Variants in PPP2R2D observed in about 807,000 individuals in gnomAD.
PPP2R2D encodes the protein protein phosphatase 2 regulatory subunit Bdelta.
PPP2R2D carries 9 observed loss-of-function variants against 31.1 expected under a neutral mutation model. The observed-to-expected ratio is 0.29, with a 90% CI of 0.17 to 0.51. The LOEUF is 0.51. Among genes scored for constraint, PPP2R2D ranks in the 20% least tolerant of loss-of-function variants. PPP2R2D has a pLI of 0.98. For missense variants in PPP2R2D, 391 were observed against 465.6 expected, an observed-to-expected ratio of 0.84 and a Z score of 1.48; for synonymous variants, 179 against 172.6, an observed-to-expected ratio of 1.04 and a Z score of -0.29.
intron 2 of PPP2R2D, among the ~76,000 whole-genome samples, chr10:131,903,014 G>A (rs1254221004): frequency 6.6e-6 from 1 of 151,826 alleles, no homozygotes; most frequent in Non-Finnish European, 1.5e-5. Context: ...AGTCTCCCAA[G>A]GTGCTGAGAT....
At chr10:131,932,269 T>C (rs879971010) in intron 2 of PPP2R2D, among the ~76,000 whole-genome samples, 1 of 152,032 alleles carries the variant, frequency 6.6e-6, no homozygotes, top group Non-Finnish European at 1.5e-5. Context: ...AGAGACCCGA[T>C]GTCTCCATGG....
chr10:131,917,680 G>GAC (rs1414090462), intron 2 of PPP2R2D, among the ~76,000 whole-genome samples: 6 of 130,288 alleles, frequency 4.6e-5, no homozygotes, highest in South Asian at 3.0e-4. Flanking sequence ...TGGGTGGAAT[G>GAC]ACAGTGTAGG....
rs1226599414 is a variant in PPP2R2D, at chr10:131,945,363, C to T, written c.724C>T (p.Pro242Ser). 1 of 1,614,084 alleles carries T rather than the reference C, an allele frequency of 6.2e-7. No homozygotes were observed. Among genetic ancestry groups the T allele is most frequent in the Non-Finnish European group, 8.5e-7 (1 of 1,180,048 alleles). Reference protein sequence around the residue: ...TEVITAAEFHPHQCNVFVYSS... With the variant: ...TEVITAAEFHSHQCNVFVYSS... ...AGTCATCACTGCAGCCGAGTTCCAC[C>T]CGCACCAGTGCAACGTGTTCGTCTA... Residue 242 changes from proline to serine, a missense_variant, in exon 7 of 9, where the codon CCG (proline) becomes TCG (serine). Pro to Ser is a moderately conservative substitution (Grantham distance 74). Coordinates refer to ENST00000455566, the MANE Select transcript of PPP2R2D (RefSeq NM_018461.5). The surrounding 1 kb of genome is among the most constrained non-coding windows in gnomAD (Gnocchi z 4.8).
chr10:131,953,875 GATTAC>G (rs1171426694), intron 8 of PPP2R2D, among the ~76,000 whole-genome samples: 2 of 152,098 alleles, frequency 1.3e-5, no homozygotes, highest in African/African-American at 4.8e-5. Flanking sequence ...AATACCCTTA[GATTAC>G]ATATCCCCAA....
At chr10:131,961,513 C>T (rs1270247790), downstream of PPP2R2D, among the ~76,000 whole-genome samples, 3 of 152,168 alleles carry the variant, frequency 2.0e-5, no homozygotes, top group African/African-American at 4.8e-5. Context: ...CCACAGCACC[C>T]GGCTGGGCAC....
At chr10:131,917,582 G>GAC (rs550826572) in intron 2 of PPP2R2D, among the ~76,000 whole-genome samples, 4,727 of 96,254 alleles carry the variant, frequency 0.049, 838 homozygotes, top group Non-Finnish European at 0.056. Flanking sequence ...CGGGTGGAAT[G>GAC]ACAGTGTTTG....
intron 3 of PPP2R2D, among the ~76,000 whole-genome samples, chr10:131,938,369 A>C (rs34110161): frequency 0.059 from 9,013 of 152,318 alleles, 376 homozygotes; most frequent in Non-Finnish European, 0.09. Flanking sequence ...TGAATTATGA[A>C]ATATTTAATA....
chr10:131,932,278 G>A (rs1392577236), intron 2 of PPP2R2D, among the ~76,000 whole-genome samples: 2 of 152,148 alleles, frequency 1.3e-5, no homozygotes, highest in Non-Finnish European at 2.9e-5. Context: ...ATGTCTCCAT[G>A]GGATGGCCAG....
the PPP2R2D span, among the ~76,000 whole-genome samples, chr10:131,966,295 CTT>C: frequency 2.0e-5 from 3 of 152,160 alleles, no homozygotes; most frequent in Non-Finnish European, 4.4e-5. Context: ...ATCAGAATCA[CTT>C]AATGTTAATT....
chr10:131,918,082 GAC>G (rs782553513), intron 2 of PPP2R2D, among the ~76,000 whole-genome samples: 2 of 147,668 alleles, frequency 1.4e-5, no homozygotes, highest in Admixed American at 6.7e-5. Flanking sequence ...CGGGTGGAGT[GAC>G]ACAGTGTTTG....
chr10:131,907,195 TA>T (rs2035604490), intron 2 of PPP2R2D, among the ~76,000 whole-genome samples: 1 of 152,052 alleles, frequency 6.6e-6, no homozygotes, highest in Non-Finnish European at 1.5e-5. Flanking sequence ...TTTATTCATT[TA>T]TATTTTTTTT....
At chr10:131,937,504 A>G (rs1469873724) in intron 3 of PPP2R2D, among the ~76,000 whole-genome samples, 5 of 151,676 alleles carry the variant, frequency 3.3e-5, no homozygotes, top group African/African-American at 1.2e-4. Context: ...ATTCTCTCCT[A>G]GCAGAGCGGC....
chr10:131,948,027 G>T (rs1176374892), intron 8 of PPP2R2D, among the ~76,000 whole-genome samples: 1 of 152,216 alleles, frequency 6.6e-6, no homozygotes, highest in Non-Finnish European at 1.5e-5. Flanking sequence ...TATAGCACTA[G>T]GTACAGGCCG....
chr10:131,936,827 C>G (rs2036350014), intron 3 of PPP2R2D, among the ~76,000 whole-genome samples: 1 of 152,184 alleles, frequency 6.6e-6, no homozygotes, highest in Admixed American at 6.5e-5. Context: ...AGCCTTTTTT[C>G]TTTTTCTTCG....
chr10:131,933,591 G>C (rs914151876), intron 2 of PPP2R2D, among the ~76,000 whole-genome samples: 1 of 152,148 alleles, frequency 6.6e-6, no homozygotes, highest in Non-Finnish European at 1.5e-5. Context: ...CTTATCCTCA[G>C]TCCGCACGCG....
chr10:131,932,894 C>T (rs1267606700), intron 2 of PPP2R2D, among the ~76,000 whole-genome samples: 1 of 151,990 alleles, frequency 6.6e-6, no homozygotes, highest in Admixed American at 6.6e-5. Flanking sequence ...TTCCCAGCAC[C>T]GACAGTTACA....
chr10:131,904,372 T>C (rs1253181975), intron 2 of PPP2R2D, among the ~76,000 whole-genome samples: 1 of 151,806 alleles, frequency 6.6e-6, no homozygotes, highest in Non-Finnish European at 1.5e-5. Context: ...TAGCCGGGTG[T>C]GATGGCGGGC....
chr10:131,916,455 T>C (rs1223126575), intron 2 of PPP2R2D, among the ~76,000 whole-genome samples: 1 of 152,164 alleles, frequency 6.6e-6, no homozygotes, highest in African/African-American at 2.4e-5. Context: ...ACTTACAGTG[T>C]TGTGTAGCTA....
rs368610703 is a variant in PPP2R2D at position 131,932,646 on chromosome 10, C to CAAAAAAAAAAAAAAAAAAAAAAAAAAA, written c.101-1790_101-1789insAAAAAAAAAAAAAAAAAAAAAAAAAAA. On this transcript the variant is annotated intron_variant, in intron 2 of 8. Coordinates refer to ENST00000455566, the MANE Select transcript of PPP2R2D (RefSeq NM_018461.5). The stretch of plus-strand genomic sequence containing the variant: ...CGCGCCACTGTACTCCAGCCTGTCT[C>CAAAAAAAAAAAAAAAAAAAAAAAAAAA]AAAAAAAAAAAAAAAAAAAAAACAC... Among the ~76,000 whole-genome samples the CAAAAAAAAAAAAAAAAAAAAAAAAAAA allele has an allele frequency of 3.5e-4, 20 of 57,852 alleles. 2 individuals carry two copies. Among genetic ancestry groups the CAAAAAAAAAAAAAAAAAAAAAAAAAAA allele is most frequent in the Middle Eastern group, 0.01 (1 of 96 alleles). The allele number at this position is 57,852 out of a possible 152,430, so 38.0% of individuals were successfully genotyped here. A position where few individuals can be genotyped will look rare whatever the true frequency, so the allele number is the denominator to read the frequency against.
Sources: gnomAD v4.1 joint callset for allele counts (sites outside exome capture counted in the v4.1 genomes callset) on GRCh38, gnomAD v4.1.1 for gene constraint, Gnocchi (gnomAD v3.1) non-coding constraint, MANE v1.5 for transcripts, NCBI Gene and HGNC (gene_info 2026-07-23, HGNC 2026-07-21) for gene names.